The following PARD3B variants were observed in gnomAD, a reference collection of about 807,000 sequenced individuals.
PARD3B encodes the protein partitioning defective 3 homolog B.
Under a neutral mutation model 130.2 loss-of-function variants are expected in PARD3B, and 103 were observed. The observed-to-expected ratio is 0.79, with a 90% CI of 0.67 to 0.93. The LOEUF is 0.93. Ranked by LOEUF, PARD3B falls within the 40% of genes least tolerant of loss-of-function variation. The pLI is 0.00. For missense variants in PARD3B, 1,609 were observed against 1,499.2 expected, an observed-to-expected ratio of 1.07 and a Z score of -1.21; for synonymous variants, 583 against 553.2, an observed-to-expected ratio of 1.05 and a Z score of -0.76.
Position 205,117,309 on chromosome 2 carries a change from AC to A in PARD3B, c.681-1608del, listed in dbSNP as rs573372268. ...CTGGAACTAGGAAATGAACCACAAGACCCCACTGCACACTTGTGCCTATGAC... is the reference window on the plus strand; with the variant it reads ...CTGGAACTAGGAAATGAACCACAAGACCCACTGCACACTTGTGCCTATGAC... On this transcript the variant is annotated intron_variant, in intron 6 of 22. Transcript: ENST00000406610. 3.5e-3 allele frequency among the ~76,000 whole-genome samples: 535 copies of A among 152,236 alleles called. 4 individuals carry two copies. The highest frequency in any genetic ancestry group is 0.012 in the African/African-American group (498 of 41,534).
chr2:205,215,607 A>T (rs1228434658), intron 15 of PARD3B, among the ~76,000 whole-genome samples: 2 of 152,116 alleles, frequency 1.3e-5, no homozygotes, highest in Non-Finnish European at 2.9e-5. Flanking sequence ...AAGAAAATTG[A>T]GATATTATAT....
At position 205,309,893 on chromosome 2, in the gene PARD3B, C is replaced by CATCTATCTATCTATCT. The variant is rs59814500; in HGVS notation, c.2630+8212_2630+8227dup. 1.3e-5 allele frequency among the ~76,000 whole-genome samples: 2 copies of CATCTATCTATCTATCT among 150,560 alleles called. No homozygotes were observed. The highest frequency in any genetic ancestry group is 6.6e-5 in the Admixed American group (1 of 15,122). On this transcript the variant is annotated intron_variant, in intron 18 of 22. Transcript: ENST00000406610. This position sits in a 1 kb window ranked among gnomAD's most constrained non-coding sequence, Gnocchi z 4.7. Reference sequence around the variant, plus strand: ...AACTTGATAGACATTACTTCTTATCCATCTATCTATCTATCTATCTATCTA... The same window carrying CATCTATCTATCTATCT: ...AACTTGATAGACATTACTTCTTATCCATCTATCTATCTATCTATCTATCTATCTATCTATCTATCTA...
chr2:205,421,284 C>T lies in PARD3B; in HGVS notation c.2742-19086C>T, dbSNP rs549929727. On this transcript the variant is annotated intron_variant, in intron 19 of 22. Transcript: ENST00000406610. The surrounding 1 kb of genome is among the most constrained non-coding windows in gnomAD (Gnocchi z 5.1). Reference sequence around the variant, plus strand: ...CTCTAGGTGGCCATTTCTTGCACTACAGATGTCAGCTGCCGGGACCAGTTT... The same window carrying T: ...CTCTAGGTGGCCATTTCTTGCACTATAGATGTCAGCTGCCGGGACCAGTTT... 6.6e-6 allele frequency among the ~76,000 whole-genome samples: 1 copy of T among 152,294 alleles called. No individual in the cohort carries two copies. The highest frequency in any genetic ancestry group is 2.4e-5 in the African/African-American group (1 of 41,562).
intron 2 of PARD3B, among the ~76,000 whole-genome samples, chr2:204,829,002 ACCTGTTC>A (rs1467570445): frequency 6.6e-6 from 1 of 152,118 alleles, no homozygotes; most frequent in African/African-American, 2.4e-5. Flanking sequence ...GTCCATGGTC[ACCTGTTC>A]CCTCCAAGTC....
chr2:205,110,093 C>G (rs1188631278), intron 5 of PARD3B, among the ~76,000 whole-genome samples: 1 of 152,178 alleles, frequency 6.6e-6, no homozygotes, highest in Non-Finnish European at 1.5e-5. Flanking sequence ...ACATGTGAAT[C>G]ATGATTTTCT....
intron 2 of PARD3B, among the ~76,000 whole-genome samples, chr2:204,957,367 AG>A (rs1368087582): frequency 6.6e-6 from 1 of 152,220 alleles, no homozygotes; most frequent in Non-Finnish European, 1.5e-5. Flanking sequence ...AAGGATAAAT[AG>A]GGTTTTCAGT....
At chr2:205,023,896 A>T (rs1490257110) in intron 3 of PARD3B, among the ~76,000 whole-genome samples, 1 of 151,838 alleles carries the variant, frequency 6.6e-6, no homozygotes, top group Non-Finnish European at 1.5e-5. Flanking sequence ...TGTTTGGGGG[A>T]TAGGAGTGCA....
chr2:205,431,568 C>T (rs2047336371), intron 19 of PARD3B, among the ~76,000 whole-genome samples: 1 of 151,836 alleles, frequency 6.6e-6, no homozygotes. Flanking sequence ...CTCCCCGGTT[C>T]TTGCCATTCT....
Position 204,750,471 on chromosome 2 carries a change from A to G in PARD3B, c.222+64189A>G, listed in dbSNP as rs146157787. Among the ~76,000 whole-genome samples the G allele has an allele frequency of 4.0e-3, 604 of 152,232 alleles. 5 individuals carry two copies. The highest frequency in any genetic ancestry group is 0.014 in the African/African-American group (565 of 41,548). On this transcript the variant is annotated intron_variant, in intron 2 of 22. Transcript: ENST00000406610. ...TTTGGCAACTCATGCCTGTAGTCCC[A>G]GCTACTTGGGAGGGTGGGGCTGGAG...
chr2:204,638,906 C>G (rs2034980793), intron 1 of PARD3B, among the ~76,000 whole-genome samples: 1 of 152,142 alleles, frequency 6.6e-6, no homozygotes, highest in African/African-American at 2.4e-5. Flanking sequence ...CCTTTAGATT[C>G]CTCCATGGCC....
rs12615013 is a variant in PARD3B at position 205,589,670 on chromosome 2, T to C, written c.3261-25786T>C. Among the ~76,000 whole-genome samples, 92,513 of 152,024 alleles carry C rather than the reference T, an allele frequency of 0.61. 28,639 individuals carry two copies. Among genetic ancestry groups the C allele is most frequent in the East Asian group, 0.81 (4,188 of 5,164 alleles). ...CAAATTAATTGCACCCTCACATTGT[T>C]GTCTCTATTGGAGAATTGCTAGAGG... On this transcript the variant is annotated intron_variant, in intron 22 of 22. Transcript: ENST00000406610. The surrounding 1 kb of genome is among the most constrained non-coding windows in gnomAD (Gnocchi z 4.1).
intron 18 of PARD3B, among the ~76,000 whole-genome samples, chr2:205,363,772 C>T (rs1336857484): frequency 6.7e-6 from 1 of 150,086 alleles, no homozygotes; most frequent in Non-Finnish European, 1.5e-5. Flanking sequence ...TCAAGCAATT[C>T]TTCTGCCTCA....
intron 2 of PARD3B, among the ~76,000 whole-genome samples, chr2:204,756,530 A>G (rs1347888610): frequency 6.6e-6 from 1 of 152,158 alleles, no homozygotes; most frequent in Non-Finnish European, 1.5e-5. Flanking sequence ...GCATTTCTTT[A>G]CGTTGAAGGA....
In PARD3B at chr2:204,606,947, G is replaced by C. The variant is rs2125111415; in HGVS notation, c.120+60828G>C. 6.6e-6 allele frequency among the ~76,000 whole-genome samples: 1 copy of C among 152,218 alleles called. No individual in the cohort carries two copies. Among genetic ancestry groups the C allele is most frequent in the African/African-American group, 2.4e-5 (1 of 41,548 alleles). On this transcript the variant is annotated intron_variant, in intron 1 of 22. Transcript: ENST00000406610. This position sits in a 1 kb window ranked among gnomAD's most constrained non-coding sequence, Gnocchi z 4.0. ...TTTCATATATTTACCTTTAAAGAAA[G>C]ACATTGTTTTCTTGCACCTGTCCTC...
Position 205,564,063 on chromosome 2 carries a change from G to C in PARD3B, c.3260+10660G>C, listed in dbSNP as rs2053235544. On this transcript the variant is annotated intron_variant, in intron 22 of 22. Transcript: ENST00000406610. This position sits in a 1 kb window ranked among gnomAD's most constrained non-coding sequence, Gnocchi z 4.6. ...ATAAATATTATCATCCCTATTTTAT[G>C]GATGAAGAAACTGAGACTGGGAGAT... Among the ~76,000 whole-genome samples the C allele has an allele frequency of 6.6e-6, 1 of 152,168 alleles. No homozygotes were observed. Among genetic ancestry groups the C allele is most frequent in the African/African-American group, 2.4e-5 (1 of 41,434 alleles).
chr2:205,442,290 CTTTTTT>C (rs71410814), intron 20 of PARD3B, among the ~76,000 whole-genome samples: 2 of 105,994 alleles, frequency 1.9e-5, no homozygotes, highest in Non-Finnish European at 3.7e-5. Context: ...ACAGGTTTTC[CTTTTTT>C]TTTTTTTTTT....
At chr2:204,844,472 A>G (rs2044385086) in intron 2 of PARD3B, among the ~76,000 whole-genome samples, 1 of 152,202 alleles carries the variant, frequency 6.6e-6, no homozygotes, top group South Asian at 2.1e-4. Flanking sequence ...AGGAATGTTT[A>G]TATTTATGGA....
intron 11 of PARD3B, 118 bp from the exon 12 acceptor site, chr2:205,172,093 C>T: frequency 2.0e-6 from 2 of 979,622 alleles, no homozygotes; most frequent in Non-Finnish European, 3.0e-6. Flanking sequence ...TCACTTCTAA[C>T]AGCTAGGTTT....
chr2:205,202,820 G>C (rs1386947457), intron 15 of PARD3B, among the ~76,000 whole-genome samples: 2 of 152,110 alleles, frequency 1.3e-5, no homozygotes, highest in African/African-American at 4.8e-5. Flanking sequence ...AGTATAATTA[G>C]AAATGAGCTT....
Sources: gnomAD v4.1 joint callset for allele counts (sites outside exome capture counted in the v4.1 genomes callset) on GRCh38, gnomAD v4.1.1 for gene constraint, Gnocchi (gnomAD v3.1) non-coding constraint, MANE v1.5 for transcripts, NCBI Gene and HGNC (gene_info 2026-07-23, HGNC 2026-07-21) for gene names.